GPHN: variants seen among roughly 807,000 people sequenced by gnomAD.
The protein encoded by GPHN is gephyrin.
In GPHN, 17 loss-of-function variants were observed where a neutral mutation model predicts 95.5. That is an observed-to-expected ratio of 0.18 (90% CI 0.12 to 0.27). The LOEUF (loss-of-function observed/expected upper bound fraction) is 0.27, where lower values mean the gene tolerates loss of function less well. Ranked by LOEUF, GPHN falls within the 10% of genes least tolerant of loss-of-function variation. The pLI is 1.00. For synonymous variants in GPHN, 320 were observed against 322.5 expected (o/e 0.99, Z 0.08); for missense variants, 660 against 978.1 (o/e 0.67, Z 4.34).
chr14:67,639,948 A>G, the GPHN span, among the ~76,000 whole-genome samples: 15 of 150,504 alleles, frequency 1.0e-4, no homozygotes, highest in African/African-American at 3.4e-4. Flanking sequence ...AAAAAAAAAA[A>G]AGTCTGTGCA....
At chr14:67,170,348 T>A (rs189216177) in intron 21 of GPHN, among the ~76,000 whole-genome samples, 44 of 152,266 alleles carry the variant, frequency 2.9e-4, no homozygotes, top group Middle Eastern at 3.4e-3. Context: ...AGTATTCTGA[T>A]CAAGTCAGAA....
chr14:67,365,787 T>A, the GPHN span, among the ~76,000 whole-genome samples: 1 of 152,350 alleles, frequency 6.6e-6, no homozygotes, highest in Admixed American at 6.5e-5. Context: ...CCCTTCTGAA[T>A]CTCCTCAGCC....
chr14:67,376,566 A>C, the GPHN span: 1 of 1,614,002 alleles, frequency 6.2e-7, no homozygotes, highest in Non-Finnish European at 8.5e-7. Context: ...TATGGTGCCT[A>C]TGATGCATTT....
intron 8 of GPHN, among the ~76,000 whole-genome samples, chr14:66,953,114 T>C (rs2068221430): frequency 2.0e-5 from 2 of 102,514 alleles, no homozygotes; most frequent in African/African-American, 1.5e-4. Context: ...TTGTTGATGA[T>C]TTGTGTAGCT....
the GPHN span, among the ~76,000 whole-genome samples, chr14:67,489,724 C>G: frequency 6.6e-6 from 1 of 152,242 alleles, no homozygotes; most frequent in Non-Finnish European, 1.5e-5. Context: ...GGCGCGGTGG[C>G]TCACGCCTGT....
At chr14:67,279,891 TAA>T in the GPHN span, 1 of 213,364 alleles carries the variant, frequency 4.7e-6, no homozygotes, top group African/African-American at 2.3e-5. Context: ...CTGATTTCCT[TAA>T]AGTTTTGTAA....
At chr14:67,473,985 G>A in the GPHN span, 2 of 1,511,902 alleles carry the variant, frequency 1.3e-6, no homozygotes, top group Non-Finnish European at 1.8e-6. The surrounding 1 kb of genome is among the most constrained non-coding windows in gnomAD (Gnocchi z 6.5). Flanking sequence ...GGGCGCGGTG[G>A]CTCACGCCTA....
chr14:66,809,248 G>A lies in GPHN; in HGVS notation c.202-15226G>A, dbSNP rs115749729. Reference sequence around the variant, plus strand: ...GATAAAAATAAGGCTTATGCCTGTGGCAACAGGAATGGAAAGTACTGGGGG... The same window carrying A: ...GATAAAAATAAGGCTTATGCCTGTGACAACAGGAATGGAAAGTACTGGGGG... On this transcript the variant is annotated intron_variant, in intron 3 of 22. Transcript: ENST00000478722. Among the ~76,000 whole-genome samples, 984 of 152,186 alleles carry A rather than the reference G, an allele frequency of 6.5e-3. 15 individuals carry two copies. The highest frequency in any genetic ancestry group is 0.023 in the African/African-American group (936 of 41,530).
At chr14:67,507,040 A>G in the GPHN span, among the ~76,000 whole-genome samples, 1 of 152,134 alleles carries the variant, frequency 6.6e-6, no homozygotes, top group African/African-American at 2.4e-5. Context: ...AACTGAAGAT[A>G]GCCTAGCCAT....
At chr14:67,393,264 G>A in the GPHN span, 6 of 1,561,356 alleles carry the variant, frequency 3.8e-6, no homozygotes, top group African/African-American at 5.4e-5. Context: ...GAAGGCAAAG[G>A]AGAGGGAACC....
At chr14:66,797,302 T>A (rs2060194216) in intron 3 of GPHN, among the ~76,000 whole-genome samples, 1 of 151,822 alleles carries the variant, frequency 6.6e-6, no homozygotes, top group South Asian at 2.1e-4. Context: ...TTAGGATAGC[T>A]GTGGCTATTC....
chr14:66,872,076 G>A (rs562315100), intron 4 of GPHN, among the ~76,000 whole-genome samples: 1 of 152,182 alleles, frequency 6.6e-6, no homozygotes, highest in East Asian at 1.9e-4. Context: ...CCAGTAAATT[G>A]CATCAATTCT....
At chr14:66,756,218 G>A (rs1438677209) in intron 2 of GPHN, among the ~76,000 whole-genome samples, 2 of 152,058 alleles carry the variant, frequency 1.3e-5, no homozygotes, top group African/African-American at 4.8e-5. Context: ...TAATAAATAT[G>A]AATATTCATT....
chr14:66,720,238 A>ACTCTTTTTT (rs1377790213), intron 2 of GPHN, among the ~76,000 whole-genome samples: 1 of 152,172 alleles, frequency 6.6e-6, no homozygotes, highest in Non-Finnish European at 1.5e-5. Context: ...ATAAAGAGTA[A>ACTCTTTTTT]AGGAATATGT....
At chr14:67,330,665 T>G in the GPHN span, among the ~76,000 whole-genome samples, 4 of 151,900 alleles carry the variant, frequency 2.6e-5, no homozygotes, top group African/African-American at 7.3e-5. Context: ...TCCATGTTGG[T>G]CAGGCTGGTC....
the GPHN span, among the ~76,000 whole-genome samples, chr14:67,233,855 C>G: frequency 1.3e-5 from 2 of 152,190 alleles, no homozygotes; most frequent in Admixed American, 6.5e-5. Flanking sequence ...ATTTGCAATA[C>G]TCATTAGAAA....
At chr14:66,603,610 A>G (rs2062366745) in intron 1 of GPHN, among the ~76,000 whole-genome samples, 2 of 151,940 alleles carry the variant, frequency 1.3e-5, no homozygotes, top group African/African-American at 2.4e-5. Context: ...CTATTTTTGT[A>G]TGGTGAAGGG....
chr14:66,515,092 C>G (rs1393680702), intron 1 of GPHN, among the ~76,000 whole-genome samples: 1 of 152,012 alleles, frequency 6.6e-6, no homozygotes, highest in Non-Finnish European at 1.5e-5. Context: ...AGATGAGATA[C>G]TCAGTTATTT....
chr14:67,649,826 C>T, the GPHN span: 3 of 152,298 alleles, frequency 2.0e-5, no homozygotes, highest in East Asian at 5.8e-4. Flanking sequence ...TTCTTAGATA[C>T]TTGTATTCCT....
Sources: allele counts gnomAD v4.1 joint callset (sites outside exome capture counted in the v4.1 genomes callset), GRCh38; gene constraint gnomAD v4.1.1; non-coding constraint Gnocchi (gnomAD v3.1); transcripts MANE v1.5; gene names NCBI Gene and HGNC (gene_info 2026-07-23, HGNC 2026-07-21).